MIB1: variants seen among roughly 807,000 people sequenced by gnomAD.
MIB1 encodes the protein MIB E3 ubiquitin protein ligase 1, also known as E3 ubiquitin-protein ligase MIB1.
In MIB1, 278 loss-of-function variants were observed where a neutral mutation model predicts 124.5. That is an observed-to-expected ratio of 2.23 (90% CI 2.02 to 2.47). The LOEUF (loss-of-function observed/expected upper bound fraction) is 2.47. Ranked by LOEUF, MIB1 falls within the 30% of genes most tolerant of loss-of-function variation. The pLI is 0.00. For missense variants in MIB1, 957 were observed against 1,254.4 expected (o/e 0.76, Z 3.58); for synonymous variants, 446 against 429.4 (o/e 1.04, Z -0.48).
At chr18:21,740,149 A>G (rs192016623), upstream of MIB1, among the ~76,000 whole-genome samples, 23 of 152,306 alleles carry the variant, frequency 1.5e-4, no homozygotes, top group East Asian at 2.7e-3. Flanking sequence ...TTTAAACCCT[A>G]TGCAGCATAA....
At chr18:21,841,887 G>A (rs1381702061) in intron 13 of MIB1, among the ~76,000 whole-genome samples, 1 of 151,972 alleles carries the variant, frequency 6.6e-6, no homozygotes, top group Non-Finnish European at 1.5e-5. Flanking sequence ...ATACTACTTA[G>A]TGAAATGTCA....
intron 1 of MIB1, among the ~76,000 whole-genome samples, chr18:21,765,083 T>C (rs2041141646): frequency 6.6e-6 from 1 of 152,238 alleles, no homozygotes; most frequent in African/African-American, 2.4e-5. Context: ...TTTTCATTAC[T>C]TATATTGGTA....
At chr18:21,707,658 C>T (rs2040645880) in intron 1 of MIB1, among the ~76,000 whole-genome samples, 1 of 152,120 alleles carries the variant, frequency 6.6e-6, no homozygotes, top group African/African-American at 2.4e-5. Flanking sequence ...TCTGGACGCC[C>T]CTCTTTTAAG....
intron 10 of MIB1, among the ~76,000 whole-genome samples, chr18:21,804,397 T>C (rs1007532351): frequency 6.6e-6 from 1 of 152,262 alleles, no homozygotes; most frequent in African/African-American, 2.4e-5. Context: ...GTTGTTGTTT[T>C]GTCATAACTG....
At chr18:21,798,254 A>G in intron 8 of MIB1, 26 bp downstream of exon 8, 1 of 1,610,156 alleles carries the variant, frequency 6.2e-7, no homozygotes, top group South Asian at 1.1e-5. Flanking sequence ...TGTTTCTTTA[A>G]GAGTAATGTG....
At chr18:21,734,256 G>A (rs545370182) in intron 1 of MIB1, among the ~76,000 whole-genome samples, 8 of 151,520 alleles carry the variant, frequency 5.3e-5, no homozygotes, top group African/African-American at 1.2e-4. Flanking sequence ...ACAGGCGCCC[G>A]CCACCACGCC....
intron 10 of MIB1, among the ~76,000 whole-genome samples, chr18:21,807,276 T>G (rs2041719784): frequency 6.6e-6 from 1 of 152,034 alleles, no homozygotes; most frequent in Non-Finnish European, 1.5e-5. Context: ...ATTAAAAATA[T>G]AAAACATTAG....
chr18:21,817,178 T>C (rs9959768), intron 11 of MIB1, among the ~76,000 whole-genome samples: 5 of 144,550 alleles, frequency 3.5e-5, no homozygotes, highest in African/African-American at 1.3e-4. Flanking sequence ...TTTTTTTTTT[T>C]TGAGGCAGGG....
intron 16 of MIB1, 125 bp downstream of exon 16, chr18:21,847,250 C>A: frequency 1.2e-6 from 1 of 851,592 alleles, no homozygotes; most frequent in Non-Finnish European, 1.8e-6. Context: ...TTTGTGTTGA[C>A]CCTTTCTTTC....
intron 1 of MIB1, among the ~76,000 whole-genome samples, chr18:21,726,622 G>A (rs1162647608): frequency 6.6e-6 from 1 of 152,092 alleles, no homozygotes; most frequent in Admixed American, 6.6e-5. Context: ...TTTGAATCCT[G>A]GCTCTAAGAC....
chr18:21,758,344 A>G (rs554403850), intron 1 of MIB1, among the ~76,000 whole-genome samples: 7 of 152,282 alleles, frequency 4.6e-5, no homozygotes, highest in African/African-American at 1.7e-4. Context: ...CCAGTTAAAT[A>G]TTTTGATGGT....
In MIB1 at chr18:21,765,682, A is replaced by G. The variant is rs994900682; in HGVS notation, c.230-90A>G. 2.4e-6 allele frequency: 3 copies of G among 1,247,332 alleles called. No homozygotes were observed. The African/African-American group carries it at 4.6e-5, about 19-fold the overall frequency. The allele number at this position is 1,247,332 out of a possible 1,614,324, so 77.3% of individuals were successfully genotyped here. ...CTAATTTATTAGAATATCTTGTAAAATGTTCTGTTCTTATTTTTTTCCCCC... is the reference window on the plus strand; with the variant it reads ...CTAATTTATTAGAATATCTTGTAAAGTGTTCTGTTCTTATTTTTTTCCCCC... On this transcript the variant is annotated intron_variant, in intron 1 of 20. Coordinates refer to ENST00000261537, the MANE Select transcript of MIB1 (RefSeq NM_020774.4).
intron 11 of MIB1, chr18:21,817,829 C>G (rs1048516919): frequency 4.2e-6 from 1 of 235,716 alleles, no homozygotes; most frequent in Non-Finnish European, 8.6e-6. Context: ...GGAAATATGT[C>G]TAGTAAAAAA....
chr18:21,727,214 ATTC>A (rs2040746293), intron 1 of MIB1, among the ~76,000 whole-genome samples: 1 of 149,872 alleles, frequency 6.7e-6, no homozygotes, highest in African/African-American at 2.5e-5. Flanking sequence ...AGTTCAAGTG[ATTC>A]TCCTGCCTCA....
intron 20 of MIB1, among the ~76,000 whole-genome samples, chr18:21,862,013 C>T (rs2042280964): frequency 6.6e-6 from 1 of 152,024 alleles, no homozygotes; most frequent in Non-Finnish European, 1.5e-5. Flanking sequence ...GCAGTTCTCC[C>T]ACCTCAGCCT....
intron 12 of MIB1, chr18:21,827,798 A>G (rs1182501129): frequency 1.3e-5 from 2 of 152,044 alleles, no homozygotes; most frequent in East Asian, 1.9e-4. Context: ...TCATCTTTGT[A>G]TTAACTAGTC....
intron 2 of MIB1, among the ~76,000 whole-genome samples, chr18:21,767,642 G>C (rs981465723): frequency 6.6e-6 from 1 of 152,046 alleles, no homozygotes; most frequent in African/African-American, 2.4e-5. Flanking sequence ...CCGCCTCCCA[G>C]GTTCACGCCA....
In MIB1 at chr18:21,864,791, T is replaced by C. The variant is rs370764179; in HGVS notation, c.*125T>C. 4 of 656,240 alleles carry C rather than the reference T, an allele frequency of 6.1e-6. No individual in the cohort carries two copies. Among genetic ancestry groups the C allele is most frequent in the African/African-American group, 5.4e-5 (3 of 55,348 alleles). The allele number at this position is 656,240 out of a possible 1,614,324, so 40.7% of individuals were successfully genotyped here. A position where few individuals can be genotyped will look rare whatever the true frequency, so the allele number is the denominator to read the frequency against. On this transcript the variant is annotated 3_prime_UTR_variant, in exon 21 of 21. Coordinates refer to ENST00000261537, the MANE Select transcript of MIB1 (RefSeq NM_020774.4). ...TCATAGTTTCTTTACTAGAGTATAA[T>C]TGGGCTGTAAATGTACCAGAACAAA...
chr18:21,784,708 T>C (rs1258151275), intron 6 of MIB1, among the ~76,000 whole-genome samples: 2 of 151,854 alleles, frequency 1.3e-5, no homozygotes, highest in South Asian at 2.1e-4. Flanking sequence ...AAGAGAAGAG[T>C]GTGAGCCCTC....
Sources: gnomAD v4.1 joint callset for allele counts (sites outside exome capture counted in the v4.1 genomes callset) on GRCh38, gnomAD v4.1.1 for gene constraint, MANE v1.5 for transcripts, NCBI Gene and HGNC (gene_info 2026-07-23, HGNC 2026-07-21) for gene names.